LAMA2: variants seen among roughly 807,000 people sequenced by gnomAD.
The protein encoded by LAMA2 is laminin subunit alpha 2.
In LAMA2, 269 loss-of-function variants were observed where a neutral mutation model predicts 364.8. The ratio of observed to expected loss-of-function variants is 0.74; its 90% CI spans 0.67 to 0.82. The LOEUF is 0.82. Among genes scored for constraint, LAMA2 ranks in the 40% least tolerant of loss-of-function variants. LAMA2 has a pLI of 0.00. For synonymous variants in LAMA2, 1,379 were observed against 1,370.6 expected (o/e 1.01, Z -0.14); for missense variants, 3,807 against 3,873.2 (o/e 0.98, Z 0.45).
At chr6:129,282,817 T>C (rs1416736848) in intron 18 of LAMA2, among the ~76,000 whole-genome samples, 2 of 152,196 alleles carry the variant, frequency 1.3e-5, no homozygotes. Flanking sequence ...TCCCATTTTC[T>C]ATTTGAAAAA....
At chr6:129,211,690 A>G (rs573274124) in intron 12 of LAMA2, among the ~76,000 whole-genome samples, 1 of 152,352 alleles carries the variant, frequency 6.6e-6, no homozygotes, top group East Asian at 1.9e-4. Flanking sequence ...TCATTCAAAA[A>G]GCATTTAAGC....
chr6:128,949,686 G>A (rs1350871607), intron 1 of LAMA2, among the ~76,000 whole-genome samples: 1 of 152,072 alleles, frequency 6.6e-6, no homozygotes, highest in African/African-American at 2.4e-5. Flanking sequence ...AGAAAAAACA[G>A]ATACATTCAG....
intron 1 of LAMA2, among the ~76,000 whole-genome samples, chr6:128,931,286 G>A (rs1273321752): frequency 6.6e-6 from 1 of 152,110 alleles, no homozygotes; most frequent in African/African-American, 2.4e-5. Flanking sequence ...AGTCTTTATT[G>A]TAGTTCTTAT....
intron 1 of LAMA2, among the ~76,000 whole-genome samples, chr6:128,938,079 T>G (rs1182034947): frequency 6.6e-6 from 1 of 152,114 alleles, no homozygotes. Context: ...CATATATCTG[T>G]GCTGGGATTA....
chr6:129,168,027 T>C (rs1298143394), intron 9 of LAMA2, among the ~76,000 whole-genome samples: 74 of 140,976 alleles, frequency 5.2e-4, no homozygotes, highest in Admixed American at 1.4e-3. Context: ...TTTTTTCTTG[T>C]AAATTTGTTT....
At position 128,962,183 on chromosome 6, in the gene LAMA2, T is replaced by TATATAC. The variant is rs1781573685; in HGVS notation, c.112+78829_112+78830insTACATA. ...ATATATATATATATATATATATATATATACACACATACACACACACATACA... is the reference window on the plus strand; with the variant it reads ...ATATATATATATATATATATATATATATATACATACACACATACACACACACATACA... On this transcript the variant is annotated intron_variant, in intron 1 of 64. Coordinates refer to ENST00000421865, the MANE Select transcript of LAMA2 (RefSeq NM_000426.4). Among the ~76,000 whole-genome samples, 4 of 113,926 alleles carry TATATAC rather than the reference T, an allele frequency of 3.5e-5. 1 individual carries two copies. The highest frequency in any genetic ancestry group is 2.6e-4 in the South Asian group (1 of 3,880). 74.7% of individuals were successfully genotyped at this position (113,926 alleles called of 152,430 possible).
chr6:129,091,951 C>G (rs17056793), intron 3 of LAMA2, among the ~76,000 whole-genome samples: 8,702 of 152,236 alleles, frequency 0.057, 829 homozygotes, highest in African/African-American at 0.19. Flanking sequence ...AGATTGCCTA[C>G]ACATTTTTGT....
chr6:129,096,757 A>C (rs1430870587), intron 3 of LAMA2, among the ~76,000 whole-genome samples: 1 of 152,170 alleles, frequency 6.6e-6, no homozygotes, highest in Non-Finnish European at 1.5e-5. Flanking sequence ...GTTGTTCCAC[A>C]ACTGTGCCTA....
intron 6 of LAMA2, 129 bp downstream of exon 6, chr6:129,147,177 C>T (rs1778510691): frequency 1.4e-6 from 1 of 730,090 alleles, no homozygotes; most frequent in Non-Finnish European, 2.5e-6. Flanking sequence ...TAACAGAAAT[C>T]CATGCCAGGG....
chr6:129,359,151 T>C (rs1345633781), intron 32 of LAMA2, among the ~76,000 whole-genome samples: 1 of 151,418 alleles, frequency 6.6e-6, no homozygotes, highest in East Asian at 1.9e-4. Context: ...TTATTATTTA[T>C]AGTACTTTCA....
intron 1 of LAMA2, among the ~76,000 whole-genome samples, chr6:128,943,854 A>G (rs1205371082): frequency 1.3e-5 from 2 of 152,216 alleles, no homozygotes; most frequent in African/African-American, 4.8e-5. Context: ...ATTCTCATTA[A>G]TAAAGATTTA....
chr6:129,094,882 C>T (rs942236435), intron 3 of LAMA2, among the ~76,000 whole-genome samples: 1 of 152,138 alleles, frequency 6.6e-6, no homozygotes, highest in Non-Finnish European at 1.5e-5. Context: ...TCTCAGCTCA[C>T]AGAGACCTAA....
rs1462533216 is a variant in LAMA2 at position 129,427,859 on chromosome 6, G to C, written c.5968+5G>C. On this transcript the variant is annotated splice_donor_5th_base_variant and intron_variant, in intron 41 of 64. Transcript: ENST00000421865. ...AGTTAGCAAATGATGTAAAAGGTCAGTGTGGCCATAGTTTTTATTATATTC... is the reference window on the plus strand; with the variant it reads ...AGTTAGCAAATGATGTAAAAGGTCACTGTGGCCATAGTTTTTATTATATTC... The C allele has an allele frequency of 1.3e-6, 2 of 1,576,412 alleles. No individual in the cohort carries two copies. Among genetic ancestry groups the C allele is most frequent in the Non-Finnish European group, 1.7e-6 (2 of 1,145,902 alleles).
At chr6:129,365,925 AC>A (rs1380622617) in intron 32 of LAMA2, among the ~76,000 whole-genome samples, 4 of 152,086 alleles carry the variant, frequency 2.6e-5, no homozygotes, top group Non-Finnish European at 5.9e-5. Flanking sequence ...AATCTTCAAT[AC>A]TTGTGCAATA....
At chr6:128,927,840 AAAATGAATTTT>A (rs1287564255) in intron 1 of LAMA2, among the ~76,000 whole-genome samples, 2 of 152,244 alleles carry the variant, frequency 1.3e-5, no homozygotes, top group African/African-American at 4.8e-5. Flanking sequence ...CTAATTTTAA[AAAATGAATTTT>A]AAATAATCAC....
chr6:129,025,698 C>T (rs540347072), intron 1 of LAMA2, among the ~76,000 whole-genome samples: 2 of 152,242 alleles, frequency 1.3e-5, no homozygotes, highest in South Asian at 2.1e-4. Flanking sequence ...TGGGAAATTT[C>T]ATAGCTTCTT....
intron 28 of LAMA2, 139 bp downstream of exon 28, chr6:129,320,794 G>T (rs1396659703): frequency 1.4e-6 from 1 of 691,770 alleles, no homozygotes; most frequent in African/African-American, 1.8e-5. Flanking sequence ...AGACACAGTG[G>T]CAAGAGGATA....
intron 3 of LAMA2, among the ~76,000 whole-genome samples, chr6:129,093,477 C>A: frequency 6.6e-6 from 1 of 152,108 alleles, no homozygotes; most frequent in Non-Finnish European, 1.5e-5. Flanking sequence ...CTGGTAAAAA[C>A]CCCAGTGCTG....
intron 41 of LAMA2, among the ~76,000 whole-genome samples, chr6:129,434,336 T>C (rs1160747354): frequency 6.6e-6 from 1 of 152,142 alleles, no homozygotes; most frequent in Non-Finnish European, 1.5e-5. Flanking sequence ...GTCCTGCTTT[T>C]GCCAAACTAA....
Sources: allele counts gnomAD v4.1 joint callset (sites outside exome capture counted in the v4.1 genomes callset), GRCh38; gene constraint gnomAD v4.1.1; transcripts MANE v1.5; gene names NCBI Gene and HGNC (gene_info 2026-07-23, HGNC 2026-07-21).